The following RYR2 variants were observed in gnomAD, a reference collection of about 807,000 sequenced individuals.
RYR2 encodes cardiac muscle ryanodine receptor-calcium release channel.
A neutral mutation model predicts 601.1 loss-of-function variants in RYR2; 227 were observed. The ratio of observed to expected loss-of-function variants is 0.38; its 90% CI spans 0.34 to 0.42. The LOEUF (loss-of-function observed/expected upper bound fraction) is 0.42, where lower values mean the gene tolerates loss of function less well. RYR2 is among the 10% of genes least tolerant of loss of function. The pLI is 1.00. For missense variants in RYR2, 4,646 were observed against 6,156.5 expected (o/e 0.75, Z 8.21); for synonymous variants, 2,223 against 2,175.1 (o/e 1.02, Z -0.61).
chr1:237,605,104 G>A (rs1292244254), intron 35 of RYR2, among the ~76,000 whole-genome samples: 1 of 152,040 alleles, frequency 6.6e-6, no homozygotes, highest in Non-Finnish European at 1.5e-5. Flanking sequence ...CCAAAGCCTG[G>A]CAGAGACACA....
At chr1:237,173,930 G>A (rs374529193) in intron 1 of RYR2, among the ~76,000 whole-genome samples, 1 of 152,198 alleles carries the variant, frequency 6.6e-6, no homozygotes, top group East Asian at 1.9e-4. Context: ...GGTGGCGGGC[G>A]CCTGTAGTCC....
chr1:237,285,747 A>G (rs1691491923), intron 2 of RYR2, among the ~76,000 whole-genome samples: 2 of 152,136 alleles, frequency 1.3e-5, no homozygotes, highest in African/African-American at 4.8e-5. Flanking sequence ...TCCTGATTTA[A>G]GCTAGGAGGG....
At chr1:237,795,364 T>A in intron 96 of RYR2, 33 bp downstream of exon 96, 1 of 1,127,828 alleles carries the variant, frequency 8.9e-7, no homozygotes, top group East Asian at 2.7e-5. Context: ...ACATTTTTCT[T>A]AAAGCACAGT....
At chr1:237,213,092 C>T (rs1414264979) in intron 1 of RYR2, among the ~76,000 whole-genome samples, 1 of 151,834 alleles carries the variant, frequency 6.6e-6, no homozygotes, top group Non-Finnish European at 1.5e-5. Context: ...TATTATTAAC[C>T]ATTTTTACTT....
At chr1:237,125,532 C>G (rs1671316954) in intron 1 of RYR2, among the ~76,000 whole-genome samples, 1 of 151,902 alleles carries the variant, frequency 6.6e-6, no homozygotes, top group Non-Finnish European at 1.5e-5. Flanking sequence ...TATAAGGATG[C>G]CTTCATTTTG....
rs1663953555 is a variant in RYR2 at position 237,832,798 on chromosome 1, T to C, written c.*151T>C. On this transcript the variant is annotated 3_prime_UTR_variant, in exon 105 of 105. Coordinates refer to ENST00000366574, the MANE Select transcript of RYR2 (RefSeq NM_001035.3). Reference sequence around the variant, plus strand: ...CATCGAAGCTCTGTTTCGGAAGAGCTGTTTCCTCCCCCCACCTTTTGTATT... The same window carrying C: ...CATCGAAGCTCTGTTTCGGAAGAGCCGTTTCCTCCCCCCACCTTTTGTATT... 2 of 536,930 alleles carry C rather than the reference T, an allele frequency of 3.7e-6. No homozygotes were observed. Among genetic ancestry groups the C allele is most frequent in the East Asian group, 6.0e-5 (2 of 33,516 alleles). 33.3% of individuals were successfully genotyped at this position (536,930 alleles called of 1,614,324 possible). A position where few individuals can be genotyped will look rare whatever the true frequency, so the allele number is the denominator to read the frequency against.
chr1:237,172,480 G>T (rs1677518446), intron 1 of RYR2, among the ~76,000 whole-genome samples: 1 of 151,720 alleles, frequency 6.6e-6, no homozygotes, highest in Non-Finnish European at 1.5e-5. Flanking sequence ...GGCTATTTTT[G>T]ATCTTAAATA....
At chr1:237,563,402 A>G (rs1001133521) in intron 27 of RYR2, among the ~76,000 whole-genome samples, 1 of 113,408 alleles carries the variant, frequency 8.8e-6, no homozygotes, top group Non-Finnish European at 1.9e-5. Context: ...CAAGAGCAAA[A>G]CTCCATCTCA....
chr1:237,639,937 C>T (rs957268213), intron 46 of RYR2, among the ~76,000 whole-genome samples: 5 of 152,098 alleles, frequency 3.3e-5, no homozygotes, highest in African/African-American at 1.2e-4. Flanking sequence ...TACATATAAA[C>T]TGGGCATAGA....
At chr1:237,707,993 G>A (rs1347199493) in intron 68 of RYR2, among the ~76,000 whole-genome samples, 1 of 147,756 alleles carries the variant, frequency 6.8e-6, no homozygotes, top group Non-Finnish European at 1.5e-5. Flanking sequence ...TGTTCGCCAG[G>A]CTGGTCTCGA....
intron 54 of RYR2, among the ~76,000 whole-genome samples, chr1:237,658,953 T>C (rs944123416): frequency 6.6e-6 from 1 of 152,198 alleles, no homozygotes; most frequent in African/African-American, 2.4e-5. Context: ...GGAAATCTTA[T>C]GCCTACAGGT....
chr1:237,291,465 C>T lies in RYR2; in HGVS notation c.168+20849C>T, dbSNP rs532140621. 3.9e-5 allele frequency among the ~76,000 whole-genome samples: 6 copies of T among 152,250 alleles called. No individual in the cohort carries two copies. In the East Asian group the frequency reaches 1.2e-3, roughly 29 times the overall value. On this transcript the variant is annotated intron_variant, in intron 2 of 104. Coordinates refer to ENST00000366574, the MANE Select transcript of RYR2 (RefSeq NM_001035.3). The stretch of plus-strand genomic sequence containing the variant: ...TACCCAAATGAGTAAAAGCTTATGT[C>T]CCCACAAACACCTGCACATAGATGT...
At chr1:237,136,692 C>T (rs1208118621) in intron 1 of RYR2, among the ~76,000 whole-genome samples, 2 of 152,084 alleles carry the variant, frequency 1.3e-5, no homozygotes, top group African/African-American at 2.4e-5. Context: ...TTTCTTAGTA[C>T]ATCAACAGTT....
chr1:237,292,133 C>A (rs796878153), intron 2 of RYR2, among the ~76,000 whole-genome samples: 6 of 152,240 alleles, frequency 3.9e-5, no homozygotes, highest in African/African-American at 1.4e-4. Flanking sequence ...AACAAGAGAT[C>A]CCTAAATGTT....
chr1:237,273,910 A>C (rs1055306459), intron 2 of RYR2, among the ~76,000 whole-genome samples: 1 of 147,120 alleles, frequency 6.8e-6, no homozygotes, highest in Non-Finnish European at 1.5e-5. Flanking sequence ...ACATAACAAA[A>C]CATACAAGTA....
At chr1:237,558,324 A>T (rs1671109362) in intron 27 of RYR2, among the ~76,000 whole-genome samples, 1 of 152,238 alleles carries the variant, frequency 6.6e-6, no homozygotes, top group African/African-American at 2.4e-5. Flanking sequence ...AGTAGAAGTT[A>T]GGGCAGGCTG....
intron 1 of RYR2, among the ~76,000 whole-genome samples, chr1:237,178,978 A>G (rs1410408488): frequency 2.6e-5 from 4 of 152,140 alleles, no homozygotes; most frequent in African/African-American, 9.7e-5. Context: ...GTCTTTGACC[A>G]TTGCCACCTT....
intron 40 of RYR2, among the ~76,000 whole-genome samples, chr1:237,627,386 C>G (rs1679785762): frequency 6.6e-6 from 1 of 152,084 alleles, no homozygotes; most frequent in Non-Finnish European, 1.5e-5. Context: ...ATAAGCATAC[C>G]TTTTTGAATG....
chr1:237,043,100 G>C (rs984850572), intron 1 of RYR2, among the ~76,000 whole-genome samples: 3 of 152,232 alleles, frequency 2.0e-5, no homozygotes, highest in African/African-American at 7.2e-5. Context: ...TCCGTGTAGC[G>C]TGCGGCGCAG....
Sources: allele counts gnomAD v4.1 joint callset (sites outside exome capture counted in the v4.1 genomes callset), GRCh38; gene constraint gnomAD v4.1.1; transcripts MANE v1.5; gene names NCBI Gene and HGNC (gene_info 2026-07-23, HGNC 2026-07-21).